Variants in KLF15 observed in about 807,000 individuals in gnomAD.
KLF15 encodes the protein KLF transcription factor 15.
A neutral mutation model predicts 24.6 loss-of-function variants in KLF15; 4 were observed. The ratio of observed to expected loss-of-function variants is 0.16; its 90% CI spans 0.08 to 0.37. KLF15 has a LOEUF of 0.37. Ranked by LOEUF, KLF15 falls within the 10% of genes least tolerant of loss-of-function variation. The pLI is 1.00. For synonymous variants in KLF15, 246 were observed against 236.3 expected, an observed-to-expected ratio of 1.04 and a Z score of -0.37; for missense variants, 496 against 560.6, an observed-to-expected ratio of 0.88 and a Z score of 1.16.
intron 2 of KLF15, among the ~76,000 whole-genome samples, chr3:126,351,461 T>C (rs995235828): frequency 2.0e-5 from 3 of 152,172 alleles, no homozygotes; most frequent in South Asian, 2.1e-4. Context: ...TTGGGAGTGA[T>C]GGTGGTACTT....
the KLF15 span, among the ~76,000 whole-genome samples, chr3:126,322,721 C>T: frequency 2.6e-4 from 39 of 152,196 alleles, no homozygotes; most frequent in African/African-American, 9.2e-4. Context: ...TGTATCTTAT[C>T]CCATCCATTT....
At chr3:126,322,815 C>T in the KLF15 span, among the ~76,000 whole-genome samples, 1 of 152,178 alleles carries the variant, frequency 6.6e-6, no homozygotes, top group Non-Finnish European at 1.5e-5. Context: ...TCAAGCCAGG[C>T]AAAGCCTTAT....
At chr3:126,326,287 A>G in the KLF15 span, among the ~76,000 whole-genome samples, 1,150 of 143,028 alleles carry the variant, frequency 8.0e-3, 9 homozygotes, top group African/African-American at 0.021. Flanking sequence ...TTGACTTGGC[A>G]ATGCGGGCTC....
chr3:126,312,978 A>T, the KLF15 span, among the ~76,000 whole-genome samples: 34 of 152,294 alleles, frequency 2.2e-4, 1 homozygote, highest in East Asian at 6.4e-3. Flanking sequence ...GAATTCAGGG[A>T]TGTTATGGGC....
the KLF15 span, among the ~76,000 whole-genome samples, chr3:126,304,132 C>T: frequency 1.3e-5 from 2 of 152,052 alleles, no homozygotes; most frequent in Non-Finnish European, 2.9e-5. Context: ...TTACTGGGTA[C>T]CAGACATTGT....
downstream of KLF15, among the ~76,000 whole-genome samples, chr3:126,340,869 G>C (rs1465213859): frequency 6.6e-6 from 1 of 150,864 alleles, no homozygotes; most frequent in Non-Finnish European, 1.5e-5. Context: ...CCCCCACCAG[G>C]GCCAAGGCAA....
chr3:126,352,300 C>T lies in KLF15; in HGVS notation c.623G>A (p.Gly208Asp), dbSNP rs926997537. 5 of 1,550,836 alleles carry T rather than the reference C, an allele frequency of 3.2e-6. No individual in the cohort carries two copies. Among genetic ancestry groups the T allele is most frequent in the Non-Finnish European group, 4.3e-6 (5 of 1,151,686 alleles). Residue 208 changes from glycine (G) to aspartate (D), a missense_variant, in exon 2 of 3, where the codon GGT (glycine) becomes GAT (aspartate). Gly to Asp is a moderately conservative substitution (Grantham distance 94). Transcript: ENST00000296233. ...GASAGGAQGPGGGPTPDGPIP... is the reference protein window; with the variant it reads ...GASAGGAQGPDGGPTPDGPIP... The stretch of plus-strand genomic sequence containing the variant: ...GGGGCCATCAGGCGTGGGGCCCCCA[C>T]CTGGGCCCTGGGCACCTCCTGCACT...
At chr3:126,326,709 G>A in the KLF15 span, among the ~76,000 whole-genome samples, 5 of 152,200 alleles carry the variant, frequency 3.3e-5, no homozygotes, top group Non-Finnish European at 5.9e-5. Flanking sequence ...GAGCTGAGGA[G>A]TGCTGGCAGA....
Position 126,343,035 on chromosome 3 carries a change from C to G in KLF15, c.*692G>C, listed in dbSNP as rs1193435554. On this transcript the variant is annotated 3_prime_UTR_variant, in exon 3 of 3. Transcript: ENST00000296233. The stretch of plus-strand genomic sequence containing the variant: ...GGAGGAGGGGACGAGCCCCTGGGTA[C>G]AGGCCCTTCTGGCTCTGTCTGCCCT... 1 of 151,744 alleles carries G rather than the reference C, an allele frequency of 6.6e-6. No homozygotes were observed. Among genetic ancestry groups the G allele is most frequent in the Non-Finnish European group, 1.5e-5 (1 of 67,820 alleles). 9.4% of individuals were successfully genotyped at this position (151,744 alleles called of 1,614,324 possible).
chr3:126,351,256 G>A (rs1419106540), intron 2 of KLF15, among the ~76,000 whole-genome samples: 1 of 152,042 alleles, frequency 6.6e-6, no homozygotes, highest in Non-Finnish European at 1.5e-5. Flanking sequence ...CGTCCCCAGG[G>A]AGGAAGCATA....
chr3:126,303,792 T>C, the KLF15 span, among the ~76,000 whole-genome samples: 2 of 152,112 alleles, frequency 1.3e-5, no homozygotes, highest in African/African-American at 4.8e-5. Flanking sequence ...TGAAGTTTCC[T>C]CTGATGTACT....
At chr3:126,328,128 T>C in the KLF15 span, among the ~76,000 whole-genome samples, 2 of 150,752 alleles carry the variant, frequency 1.3e-5, no homozygotes, top group African/African-American at 4.9e-5. Flanking sequence ...ATCATTCTTA[T>C]GCCTTTGTAT....
At chr3:126,332,298 C>A in the KLF15 span, among the ~76,000 whole-genome samples, 1 of 148,574 alleles carries the variant, frequency 6.7e-6, no homozygotes, top group Non-Finnish European at 1.5e-5. Context: ...GAGGCACCCC[C>A]CAGCAGGGGC....
At chr3:126,322,484 C>G in the KLF15 span, among the ~76,000 whole-genome samples, 2 of 152,142 alleles carry the variant, frequency 1.3e-5, no homozygotes, top group Non-Finnish European at 2.9e-5. Context: ...TACTGCCCCT[C>G]GCATAAGGAC....
chr3:126,323,451 A>T, the KLF15 span, among the ~76,000 whole-genome samples: 5 of 98,870 alleles, frequency 5.1e-5, no homozygotes, highest in Non-Finnish European at 9.0e-5. Flanking sequence ...TATATGTTAT[A>T]TATATATATA....
At chr3:126,288,452 A>T in the KLF15 span, 2 of 152,316 alleles carry the variant, frequency 1.3e-5, no homozygotes, top group African/African-American at 2.4e-5. Context: ...TGCTGTGGGC[A>T]GGTGCCAAGG....
the KLF15 span, among the ~76,000 whole-genome samples, chr3:126,328,604 A>AT: frequency 5.3e-5 from 8 of 151,928 alleles, no homozygotes; most frequent in East Asian, 3.9e-4. Context: ...CTGTTTTTTG[A>AT]TTTTTTTATT....
rs201547298 is a variant in KLF15 at position 126,352,352 on chromosome 3, G to A, written c.571C>T (p.Arg191Cys). 385 of 1,599,092 alleles carry A rather than the reference G, an allele frequency of 2.4e-4. No individual in the cohort carries two copies. Among genetic ancestry groups the A allele is most frequent in the Non-Finnish European group, 2.8e-4 (323 of 1,173,342 alleles). The change falls in exon 2 of 3, where the codon CGC becomes TGC. Residue 191 changes from arginine to cysteine, a missense_variant. Arg to Cys is a radical substitution (Grantham distance 180). Transcript: ENST00000296233. ...GCACCACCTGGTGGAGGGGAACAGC[G>A]CTCTCTCCCGCTGGACCCAGGATGG... ...HLHPGSSGRE[R>C]CSPPPGGASA...
the KLF15 span, among the ~76,000 whole-genome samples, chr3:126,320,420 T>C: frequency 6.6e-6 from 1 of 152,228 alleles, no homozygotes; most frequent in African/African-American, 2.4e-5. Flanking sequence ...TGAATGCCAG[T>C]GCACCTGCAC....
Sources: gnomAD v4.1 joint callset for allele counts (sites outside exome capture counted in the v4.1 genomes callset) on GRCh38, gnomAD v4.1.1 for gene constraint, MANE v1.5 for transcripts, NCBI Gene and HGNC (gene_info 2026-07-23, HGNC 2026-07-21) for gene names.